Variants in VSTM1 observed in about 807,000 individuals in gnomAD.
VSTM1 encodes the protein V-set and transmembrane domain-containing protein 1.
Under a neutral mutation model 33.1 loss-of-function variants are expected in VSTM1, and 27 were observed. That is an observed-to-expected ratio of 0.82 (90% confidence interval 0.60 to 1.12). The LOEUF is 1.12. Among genes scored for constraint, VSTM1 ranks in the 50% most tolerant of loss-of-function variants. The pLI is 0.00. For missense variants in VSTM1, 304 were observed against 288.9 expected, an observed-to-expected ratio of 1.05 and a Z score of -0.38; for synonymous variants, 115 against 110.3, an observed-to-expected ratio of 1.04 and a Z score of -0.27.
At chr19:54,061,150 T>C (rs2071378708) in intron 1 of VSTM1, among the ~76,000 whole-genome samples, 1 of 151,616 alleles carries the variant, frequency 6.6e-6, no homozygotes, top group South Asian at 2.1e-4. Context: ...CCCGAGTAGC[T>C]GGGATTACAG....
chr19:54,041,462 C>G (rs777396699), intron 8 of VSTM1, among the ~76,000 whole-genome samples: 1 of 151,946 alleles, frequency 6.6e-6, no homozygotes, highest in Non-Finnish European at 1.5e-5. Context: ...CTACCACGCC[C>G]AGCTAATTTT....
rs1409351095 is a variant in VSTM1, at chr19:54,063,692, A to C, written c.34+52T>G. 3.1e-6 allele frequency: 5 copies of C among 1,607,934 alleles called. No individual in the cohort carries two copies. In the East Asian group the frequency reaches 1.1e-4, roughly 36 times the overall value. On this transcript the variant is annotated intron_variant, in intron 1 of 8. Coordinates refer to ENST00000338372, the MANE Select transcript of VSTM1 (RefSeq NM_198481.4). ...TTTCCACCTGGACTGCCACTCCCAC[A>C]TGAGTTTTTCTCACCAGCCCAAGCC...
intron 3 of VSTM1, among the ~76,000 whole-genome samples, chr19:54,057,636 C>G (rs2071165803): frequency 6.6e-6 from 1 of 151,642 alleles, no homozygotes; most frequent in Non-Finnish European, 1.5e-5. Context: ...ATGGTAAAAC[C>G]CTGTCTCTAC....
chr19:54,041,597 G>A (rs4806693), intron 8 of VSTM1, among the ~76,000 whole-genome samples, 182 bp downstream of exon 8: 20,230 of 152,052 alleles, frequency 0.13, 1,431 homozygotes, highest in Middle Eastern at 0.22. Flanking sequence ...CACCGCGCCC[G>A]GCCCATGCAT....
At chr19:54,048,987 G>A (rs2070724188) in intron 4 of VSTM1, among the ~76,000 whole-genome samples, 1 of 152,128 alleles carries the variant, frequency 6.6e-6, no homozygotes, top group Non-Finnish European at 1.5e-5. Context: ...AGGAGGTTAA[G>A]GCAAAAGAAT....
intron 4 of VSTM1, among the ~76,000 whole-genome samples, chr19:54,046,474 A>G (rs2070594990): frequency 6.6e-6 from 1 of 152,166 alleles, no homozygotes; most frequent in African/African-American, 2.4e-5. Flanking sequence ...CTCAGTCTAG[A>G]AACTGACTCA....
chr19:54,049,428 G>A (rs2438049), intron 4 of VSTM1, among the ~76,000 whole-genome samples: 3,158 of 152,222 alleles, frequency 0.021, 115 homozygotes, highest in African/African-American at 0.072. Flanking sequence ...TTATGTAGTG[G>A]TGATGGTTAT....
chr19:54,051,988 T>C (rs2070861922), intron 3 of VSTM1, among the ~76,000 whole-genome samples: 1 of 151,860 alleles, frequency 6.6e-6, no homozygotes, highest in Admixed American at 6.6e-5. Context: ...CTCAAACTCC[T>C]GGCCTCAAGT....
chr19:54,050,763 TGAGGTCAG>T (rs1466882466), intron 4 of VSTM1, among the ~76,000 whole-genome samples: 1 of 150,940 alleles, frequency 6.6e-6, no homozygotes, highest in Non-Finnish European at 1.5e-5. Flanking sequence ...GGGAATTGCT[TGAGGTCAG>T]GAGTTTGATA....
intron 4 of VSTM1, 108 bp downstream of exon 4, chr19:54,051,294 AAAACAAAC>A (rs769141344): frequency 2.1e-4 from 212 of 1,014,984 alleles, no homozygotes; most frequent in South Asian, 4.2e-4. Context: ...TCTATCTCAA[AAAACAAAC>A]AAACAAACAA....
At chr19:54,045,027 G>T (rs945578184) in intron 4 of VSTM1, among the ~76,000 whole-genome samples, 4 of 152,134 alleles carry the variant, frequency 2.6e-5, no homozygotes, top group Non-Finnish European at 2.9e-5. Context: ...TTGAGTCTGA[G>T]AATTTTTCCT....
intron 4 of VSTM1, among the ~76,000 whole-genome samples, chr19:54,044,656 G>T (rs1277180329): frequency 6.6e-6 from 1 of 152,168 alleles, no homozygotes; most frequent in East Asian, 1.9e-4. Flanking sequence ...TGCCATGCAA[G>T]TCTACATCAT....
chr19:54,059,513 G>C (rs745611725), intron 1 of VSTM1, among the ~76,000 whole-genome samples: 15 of 152,128 alleles, frequency 9.9e-5, no homozygotes, highest in Non-Finnish European at 2.1e-4. Context: ...TGTCACCCAG[G>C]CTGGAGTGCA....
At chr19:54,059,719 C>G (rs2071291409) in intron 1 of VSTM1, among the ~76,000 whole-genome samples, 1 of 151,394 alleles carries the variant, frequency 6.6e-6, no homozygotes. Context: ...AGTGATCCAC[C>G]CGCCTCAGCC....
chr19:54,057,447 C>T (rs1406504251), intron 3 of VSTM1, among the ~76,000 whole-genome samples: 6 of 150,278 alleles, frequency 4.0e-5, no homozygotes, highest in South Asian at 2.1e-4. Context: ...CCTGGGAGGT[C>T]GAGGCTGCAG....
chr19:54,042,319 G>C lies in VSTM1; in HGVS notation c.445C>G (p.Leu149Val), dbSNP rs1206073753. 2 of 1,613,926 alleles carry C rather than the reference G, an allele frequency of 1.2e-6. No homozygotes were observed. Among genetic ancestry groups the C allele is most frequent in the South Asian group, 2.2e-5 (2 of 91,044 alleles). The change falls in exon 5 of 9, where the codon CTC (leucine) becomes GTC (valine). Residue 149 changes from leucine to valine, a missense_variant. By Grantham distance (32) the Leu-to-Val change is conservative. Coordinates refer to ENST00000338372, the MANE Select transcript of VSTM1 (RefSeq NM_198481.4). ...AIFSCISILLLFLSVFIIYRC... is the reference protein window; with the variant it reads ...AIFSCISILLVFLSVFIIYRC... ...TAGATGATGAAGACTGAGAGGAAGA[G>C]GAGAAGGATGGAGATGCAGCTGAAG...
chr19:54,043,887 G>GGAGGGGAGAA (rs201533533), intron 4 of VSTM1, among the ~76,000 whole-genome samples: 7,925 of 135,868 alleles, frequency 0.058, 283 homozygotes, highest in Admixed American at 0.11. Context: ...GGAGGGGAGA[G>GGAGGGGAGAA]GAGGGGAGAG....
intron 4 of VSTM1, among the ~76,000 whole-genome samples, chr19:54,045,163 T>C (rs1412479775): frequency 1.3e-5 from 2 of 152,210 alleles, no homozygotes; most frequent in Non-Finnish European, 2.9e-5. Context: ...TATGTTTGCA[T>C]TGGCATTTCT....
chr19:54,063,380 G>C (rs2146172244), intron 1 of VSTM1, among the ~76,000 whole-genome samples: 1 of 152,220 alleles, frequency 6.6e-6, no homozygotes, highest in East Asian at 1.9e-4. Context: ...ATAAGAGAGA[G>C]AGAGAAGAAA....
Sources: allele counts gnomAD v4.1 joint callset (sites outside exome capture counted in the v4.1 genomes callset), GRCh38; gene constraint gnomAD v4.1.1; transcripts MANE v1.5; gene names NCBI Gene and HGNC (gene_info 2026-07-23, HGNC 2026-07-21).